The following RTTN variants were observed in gnomAD, a reference collection of about 807,000 sequenced individuals.
RTTN encodes the protein rotatin.
Under a neutral mutation model 269.2 loss-of-function variants are expected in RTTN, and 182 were observed. The observed-to-expected ratio is 0.68, with a 90% CI of 0.60 to 0.76. RTTN has a LOEUF of 0.76. RTTN is among the 30% of genes least tolerant of loss of function. The pLI, the probability that RTTN is intolerant of heterozygous loss-of-function variation, is 0.00. For missense variants in RTTN, 2,545 were observed against 2,608.6 expected, an observed-to-expected ratio of 0.98 and a Z score of 0.53; for synonymous variants, 1,006 against 963.5, an observed-to-expected ratio of 1.04 and a Z score of -0.82.
chr18:70,197,865 A>G, intron 5 of RTTN, 127 bp from the exon 6 acceptor site: 1 of 636,936 alleles, frequency 1.6e-6, no homozygotes, highest in East Asian at 2.8e-5. Flanking sequence ...TCTCCAGAAA[A>G]GCCTTCCTAG....
chr18:70,005,036 CTATTT>C (rs1353500126), intron 48 of RTTN, among the ~76,000 whole-genome samples, 157 bp downstream of exon 48: 1 of 152,040 alleles, frequency 6.6e-6, no homozygotes, highest in Non-Finnish European at 1.5e-5. Flanking sequence ...CTTCATCTAT[CTATTT>C]TATTATTTTA....
Position 70,197,753 on chromosome 18 carries a change from G to T in RTTN, c.579-15C>A. 6.8e-7 allele frequency: 1 copy of T among 1,466,756 alleles called. No homozygotes were observed. Among genetic ancestry groups the T allele is most frequent in the Non-Finnish European group, 9.6e-7 (1 of 1,046,564 alleles). 90.9% of individuals were successfully genotyped at this position (1,466,756 alleles called of 1,614,324 possible). On this transcript the variant is annotated splice_polypyrimidine_tract_variant and intron_variant, in intron 5 of 48. Coordinates refer to ENST00000640769, the MANE Select transcript of RTTN (RefSeq NM_173630.4). ...TTCTTAAAGAGCTACAAAACATAGC[G>T]TTAATCATTTTTAAGAAGAGTTCAT...
intron 8 of RTTN, 116 bp downstream of exon 8, chr18:70,193,172 G>A: frequency 1.1e-6 from 1 of 901,122 alleles, no homozygotes; most frequent in South Asian, 1.8e-5. Flanking sequence ...CTGTGTTAAT[G>A]TTTCAAAAAA....
At chr18:70,143,615 G>A (rs952896649) in intron 18 of RTTN, among the ~76,000 whole-genome samples, 2 of 152,014 alleles carry the variant, frequency 1.3e-5, no homozygotes, top group African/African-American at 2.4e-5. Context: ...GGTAGGAGGC[G>A]GGAGAGGATC....
At chr18:70,045,001 G>A (rs761762799) in intron 40 of RTTN, among the ~76,000 whole-genome samples, 3 of 152,142 alleles carry the variant, frequency 2.0e-5, no homozygotes, top group Non-Finnish European at 4.4e-5. Context: ...ACTAGGGAAG[G>A]TAAAATCTCT....
intron 32 of RTTN, among the ~76,000 whole-genome samples, chr18:70,078,411 A>T (rs1264154757): frequency 6.6e-6 from 1 of 151,970 alleles, no homozygotes; most frequent in Non-Finnish European, 1.5e-5. Flanking sequence ...GAGAATTATG[A>T]CTAGGAAAAG....
chr18:70,086,853 A>G (rs748274430), intron 31 of RTTN, among the ~76,000 whole-genome samples, 169 bp from the exon 32 acceptor site: 1 of 151,984 alleles, frequency 6.6e-6, no homozygotes, highest in Non-Finnish European at 1.5e-5. Flanking sequence ...GTCAAACTGT[A>G]TTTCTTGTTA....
At chr18:70,051,670 T>C in intron 38 of RTTN, 122 bp from the exon 39 acceptor site, 1 of 615,604 alleles carries the variant, frequency 1.6e-6, no homozygotes, top group Non-Finnish European at 2.6e-6. Context: ...ACTTATCAAA[T>C]GAAGACAAAT....
rs2061846709 is a variant in RTTN, at chr18:70,197,732, T to C, written c.585A>G (p.Leu195=). ...RHVLSSNESS[L]RSSNHTLIWN... ...AGATTAAAGTGTGGTTACTACTTCT[T>C]AAAGAGCTACAAAACATAGCGTTAA... Residue 195 remains leucine (L), a synonymous_variant, in exon 6 of 49, where the codon TTA becomes TTG. Transcript: ENST00000640769. 1.9e-6 allele frequency: 3 copies of C among 1,574,258 alleles called. No individual in the cohort carries two copies. In the African/African-American group the frequency reaches 4.0e-5, roughly 21 times the overall value.
intron 34 of RTTN, among the ~76,000 whole-genome samples, chr18:70,067,514 G>GA (rs1185977795): frequency 2.0e-5 from 3 of 152,226 alleles, no homozygotes; most frequent in East Asian, 1.9e-4. Context: ...AGAGATATGT[G>GA]AAAAAATGTT....
At chr18:70,162,637 G>A (rs1287869436) in intron 14 of RTTN, among the ~76,000 whole-genome samples, 2 of 152,102 alleles carry the variant, frequency 1.3e-5, no homozygotes, top group African/African-American at 2.4e-5. Context: ...CTGCCCCCAT[G>A]ATTCCAATTA....
intron 18 of RTTN, among the ~76,000 whole-genome samples, chr18:70,145,288 T>C (rs991268357): frequency 3.9e-5 from 6 of 152,218 alleles, no homozygotes; most frequent in African/African-American, 1.4e-4. Context: ...TATTTCATTA[T>C]ATATTACAAT....
At chr18:70,081,716 G>A (rs536424308) in intron 32 of RTTN, among the ~76,000 whole-genome samples, 6 of 152,200 alleles carry the variant, frequency 3.9e-5, no homozygotes, top group African/African-American at 1.2e-4. Context: ...AAGCAAATAT[G>A]TAAGACAAGT....
chr18:70,193,420 C>A lies in RTTN; in HGVS notation c.875G>T (p.Cys292Phe). 1 of 1,551,684 alleles carries A rather than the reference C, an allele frequency of 6.4e-7. No homozygotes were observed. The highest frequency in any genetic ancestry group is 8.7e-7 in the Non-Finnish European group (1 of 1,152,710). Residue 292 changes from cysteine (C) to phenylalanine (F), a missense_variant, in exon 8 of 49, where the codon TGT (cysteine) becomes TTT (phenylalanine). Cys to Phe is a radical substitution (Grantham distance 205). Transcript: ENST00000640769. Reference protein sequence around the residue: ...TVSQNSSLSYCHEARGTHHSQ... With the variant: ...TVSQNSSLSYFHEARGTHHSQ... ...ATGATGAGTACCTCTTGCTTCATGA[C>A]AATAAGACAAAGAAGAATTTTGGGA...
At chr18:70,038,258 G>A (rs2057235704) in intron 40 of RTTN, among the ~76,000 whole-genome samples, 1 of 152,180 alleles carries the variant, frequency 6.6e-6, no homozygotes, top group Non-Finnish European at 1.5e-5. Context: ...CTAGGGCCTT[G>A]AGTGAACACA....
chr18:70,065,270 TA>T (rs61422284), intron 35 of RTTN, among the ~76,000 whole-genome samples: 25 of 132,918 alleles, frequency 1.9e-4, no homozygotes, highest in Middle Eastern at 3.8e-3. Context: ...CTCTAGAATT[TA>T]AAAAAAAAAA....
chr18:70,090,882 T>A (rs904685629), intron 30 of RTTN, among the ~76,000 whole-genome samples: 1 of 152,212 alleles, frequency 6.6e-6, no homozygotes, highest in Non-Finnish European at 1.5e-5. Flanking sequence ...AGGCACACCA[T>A]CAAGCCAAAG....
At chr18:70,176,915 G>A in intron 10 of RTTN, 70 bp from the exon 11 acceptor site, 4 of 1,162,512 alleles carry the variant, frequency 3.4e-6, no homozygotes, top group Non-Finnish European at 4.8e-6. Context: ...CAAAAGCCAT[G>A]GAGAACAGTT....
chr18:70,061,580 T>C (rs2057988011), intron 35 of RTTN, among the ~76,000 whole-genome samples: 1 of 152,212 alleles, frequency 6.6e-6, no homozygotes, highest in Non-Finnish European at 1.5e-5. Context: ...AATTTGCCTG[T>C]AATTCCAGAA....
Sources: allele counts gnomAD v4.1 joint callset (sites outside exome capture counted in the v4.1 genomes callset), GRCh38; gene constraint gnomAD v4.1.1; transcripts MANE v1.5; gene names NCBI Gene and HGNC (gene_info 2026-07-23, HGNC 2026-07-21).